The following DCDC1 variants were observed in gnomAD, a reference collection of about 807,000 sequenced individuals.
DCDC1 encodes the protein doublecortin domain containing 1, also known as doublecortin domain-containing protein 1.
Under a neutral mutation model 178.3 loss-of-function variants are expected in DCDC1, and 200 were observed. The observed-to-expected ratio is 1.12, with a 90% CI of 1.00 to 1.26. The LOEUF is 1.26. DCDC1 is among the 50% of genes most tolerant of loss of function. The pLI is 0.00. For synonymous variants in DCDC1, 690 were observed against 604.8 expected, an observed-to-expected ratio of 1.14 and a Z score of -2.07; for missense variants, 1,983 against 1,749.2, an observed-to-expected ratio of 1.13 and a Z score of -2.38.
intron 9 of DCDC1, among the ~76,000 whole-genome samples, chr11:31,233,948 A>G (rs964665270): frequency 6.6e-6 from 1 of 152,178 alleles, no homozygotes; most frequent in African/African-American, 2.4e-5. Flanking sequence ...ATTTTATTTA[A>G]TTTTAATTTA....
chr11:31,043,483 A>G (rs1426658037), intron 20 of DCDC1, among the ~76,000 whole-genome samples: 2 of 151,966 alleles, frequency 1.3e-5, no homozygotes, highest in Non-Finnish European at 2.9e-5. Flanking sequence ...ATGTAGGAAA[A>G]TTTTTTTCCC....
At chr11:31,203,927 A>G (rs1971587385) in intron 9 of DCDC1, among the ~76,000 whole-genome samples, 1 of 152,258 alleles carries the variant, frequency 6.6e-6, no homozygotes, top group African/African-American at 2.4e-5. Flanking sequence ...TGTACAAATA[A>G]TACAAATTCT....
chr11:31,328,945 C>CTTTTTTTTTTTTTTT (rs1176942329), intron 2 of DCDC1, among the ~76,000 whole-genome samples: 1 of 47,800 alleles, frequency 2.1e-5, no homozygotes, highest in Non-Finnish European at 4.2e-5. Flanking sequence ...CACCACAAGG[C>CTTTTTTTTTTTTTTT]TTTTTTTTTT....
chr11:31,060,039 C>G (rs896680165), intron 20 of DCDC1, among the ~76,000 whole-genome samples: 1 of 151,852 alleles, frequency 6.6e-6, no homozygotes, highest in Non-Finnish European at 1.5e-5. Flanking sequence ...GAGAAAAGAA[C>G]CTTGAATAAA....
intron 9 of DCDC1, among the ~76,000 whole-genome samples, chr11:31,192,929 A>G (rs1040197451): frequency 5.3e-5 from 8 of 152,122 alleles, no homozygotes; most frequent in African/African-American, 1.9e-4. Context: ...AGAACAAAAA[A>G]GTAGAAGGAA....
At chr11:31,364,481 T>C (rs1312836477) in intron 1 of DCDC1, among the ~76,000 whole-genome samples, 1 of 152,096 alleles carries the variant, frequency 6.6e-6, no homozygotes, top group Non-Finnish European at 1.5e-5. Flanking sequence ...AAACATTAGA[T>C]GTGAAGATAG....
chr11:31,184,849 G>A (rs906047404), intron 9 of DCDC1, among the ~76,000 whole-genome samples: 1 of 152,170 alleles, frequency 6.6e-6, no homozygotes, highest in Non-Finnish European at 1.5e-5. Context: ...CATTGTGGAA[G>A]ACAGATCCTC....
intron 2 of DCDC1, among the ~76,000 whole-genome samples, chr11:31,334,849 C>T (rs1404962679): frequency 6.6e-6 from 1 of 152,164 alleles, no homozygotes; most frequent in Non-Finnish European, 1.5e-5. Flanking sequence ...AGTTAGGGTA[C>T]AAGGGGGTCA....
intron 36 of DCDC1, among the ~76,000 whole-genome samples, chr11:30,888,200 G>C (rs1943476368): frequency 6.6e-6 from 1 of 151,962 alleles, no homozygotes; most frequent in South Asian, 2.1e-4. Flanking sequence ...GAGAGAGAAA[G>C]AAAGAGAAAC....
At chr11:31,267,868 C>CAA (rs1433111412) in intron 7 of DCDC1, among the ~76,000 whole-genome samples, 1 of 152,194 alleles carries the variant, frequency 6.6e-6, no homozygotes, top group Non-Finnish European at 1.5e-5. Context: ...TTTTAATACT[C>CAA]TAATTAACAC....
chr11:30,949,051 A>G (rs1948242837), intron 21 of DCDC1, among the ~76,000 whole-genome samples: 1 of 152,250 alleles, frequency 6.6e-6, no homozygotes, highest in Non-Finnish European at 1.5e-5. Context: ...GGAAACTATC[A>G]TCAGAGTGAA....
At position 31,094,200 on chromosome 11, in the gene DCDC1, A is replaced by T. The variant is rs917345422; in HGVS notation, c.1984-16T>A. The T allele has an allele frequency of 1.4e-5, 11 of 765,796 alleles. No individual in the cohort carries two copies. Among genetic ancestry groups the T allele is most frequent in the Non-Finnish European group, 4.8e-6 (2 of 417,520 alleles). The allele number at this position is 765,796 out of a possible 1,614,324, so 47.4% of individuals were successfully genotyped here. Reference sequence around the variant, plus strand: ...TGGGATCTACCTGTATCATAAGAAGAAGTATGCATTTTTAACTCATAGTCT... The same window carrying T: ...TGGGATCTACCTGTATCATAAGAAGTAGTATGCATTTTTAACTCATAGTCT... On this transcript the variant is annotated splice_polypyrimidine_tract_variant and intron_variant, in intron 15 of 38. Transcript: ENST00000684477.
At chr11:31,107,937 C>T (rs945913563) in intron 12 of DCDC1, among the ~76,000 whole-genome samples, 7 of 152,168 alleles carry the variant, frequency 4.6e-5, no homozygotes, top group Admixed American at 4.6e-4. Flanking sequence ...TCTGGCCTAA[C>T]TGCAGTTCAG....
chr11:31,149,296 T>C (rs1964860730), intron 9 of DCDC1, among the ~76,000 whole-genome samples: 1 of 151,998 alleles, frequency 6.6e-6, no homozygotes, highest in African/African-American at 2.4e-5. Flanking sequence ...TTGGAGAACT[T>C]TTCTGTCTAG....
intron 18 of DCDC1, among the ~76,000 whole-genome samples, chr11:31,071,761 T>C (rs966029065): frequency 5.3e-5 from 8 of 152,114 alleles, no homozygotes; most frequent in African/African-American, 1.9e-4. Flanking sequence ...TCAGCTTCTG[T>C]TTTGCTCTTT....
At chr11:30,893,601 C>T (rs1490534691) in intron 35 of DCDC1, among the ~76,000 whole-genome samples, 3 of 152,132 alleles carry the variant, frequency 2.0e-5, no homozygotes, top group Non-Finnish European at 4.4e-5. Flanking sequence ...GATGTCAATT[C>T]CTTTTGTTCT....
At chr11:31,062,023 T>C (rs1190182188) in intron 20 of DCDC1, among the ~76,000 whole-genome samples, 1 of 152,218 alleles carries the variant, frequency 6.6e-6, no homozygotes, top group East Asian at 1.9e-4. Context: ...CAGTGCCCTA[T>C]ACCCTTAGAG....
At chr11:31,078,036 CTCTACCAAAGAT>C (rs1956966649) in intron 17 of DCDC1, 111 bp from the exon 18 acceptor site, 2 of 672,810 alleles carry the variant, frequency 3.0e-6, no homozygotes, top group African/African-American at 3.5e-5. Context: ...ACTGCCCACA[CTCTACCAAAGAT>C]TCTGCCACCA....
rs188304632 is a variant in DCDC1, at chr11:31,117,934, G to A, written c.1486-7573C>T. On this transcript the variant is annotated intron_variant, in intron 11 of 38. Coordinates refer to ENST00000684477, the MANE Select transcript of DCDC1 (RefSeq NM_001387274.1). ...AATCCCTAAAATTATATTTAATCGG[G>A]ATTAAAATATCAGGCATGTGGGTCC... 7.8e-3 allele frequency among the ~76,000 whole-genome samples: 1,185 copies of A among 152,126 alleles called. 6 individuals carry two copies. The highest frequency in any genetic ancestry group is 0.024 in the Middle Eastern group (7 of 294).
Sources: allele counts gnomAD v4.1 joint callset (sites outside exome capture counted in the v4.1 genomes callset), GRCh38; gene constraint gnomAD v4.1.1; transcripts MANE v1.5; gene names NCBI Gene and HGNC (gene_info 2026-07-23, HGNC 2026-07-21).